KCND2: variants seen among roughly 807,000 people sequenced by gnomAD.
KCND2 encodes potassium voltage-gated channel subfamily D member 2, also known as A-type voltage-gated potassium channel KCND2.
Under a neutral mutation model 54.4 loss-of-function variants are expected in KCND2, and 16 were observed. The observed-to-expected ratio is 0.29, with a 90% confidence interval of 0.20 to 0.45. The LOEUF is 0.45. Ranked by LOEUF, KCND2 falls within the 20% of genes least tolerant of loss-of-function variation. The probability of loss-of-function intolerance (pLI) is 1.00; values close to 1 mark genes in which losing one functional copy is unlikely to be tolerated. For missense variants in KCND2, 486 were observed against 824.2 expected (o/e 0.59, Z 5.02); for synonymous variants, 317 against 310.7 (o/e 1.02, Z -0.21).
chr7:120,664,237 T>A (rs1358737326), intron 1 of KCND2, among the ~76,000 whole-genome samples: 2 of 152,122 alleles, frequency 1.3e-5, no homozygotes, highest in African/African-American at 4.8e-5. Flanking sequence ...AAACAACTGC[T>A]TTTGCTTATT....
At chr7:120,402,712 T>A (rs550671384) in intron 1 of KCND2, among the ~76,000 whole-genome samples, 17 of 152,302 alleles carry the variant, frequency 1.1e-4, no homozygotes, top group South Asian at 6.2e-4. Context: ...CTTTTAAAAA[T>A]GTTCCCAGGG....
intron 1 of KCND2, among the ~76,000 whole-genome samples, chr7:120,563,651 T>A (rs1792263040): frequency 6.6e-6 from 1 of 152,164 alleles, no homozygotes; most frequent in Non-Finnish European, 1.5e-5. Flanking sequence ...GACTCATGTT[T>A]TCTTCCATCT....
At chr7:120,714,730 T>G (rs576813586) in intron 1 of KCND2, among the ~76,000 whole-genome samples, 3 of 152,176 alleles carry the variant, frequency 2.0e-5, no homozygotes, top group East Asian at 3.9e-4. Context: ...TGTTTTCATT[T>G]TATAACATGC....
At chr7:120,488,800 AGTAATATACAT>A (rs1742539618) in intron 1 of KCND2, among the ~76,000 whole-genome samples, 1 of 152,184 alleles carries the variant, frequency 6.6e-6, no homozygotes, top group Admixed American at 6.5e-5. Context: ...TTTAAATGAA[AGTAATATACAT>A]GGAAAAACCG....
intron 1 of KCND2, among the ~76,000 whole-genome samples, chr7:120,280,590 T>A (rs1293335121): frequency 1.3e-5 from 2 of 152,054 alleles, no homozygotes; most frequent in African/African-American, 4.8e-5. Flanking sequence ...ATACTCATCT[T>A]TGAAAATGAG....
intron 1 of KCND2, among the ~76,000 whole-genome samples, chr7:120,669,767 C>T (rs1028725035): frequency 6.6e-6 from 1 of 152,016 alleles, no homozygotes. Flanking sequence ...GATCTTAACC[C>T]GTGCTAAACT....
intron 1 of KCND2, among the ~76,000 whole-genome samples, chr7:120,688,763 A>G (rs1234668896): frequency 6.6e-6 from 1 of 152,202 alleles, no homozygotes; most frequent in African/African-American, 2.4e-5. Flanking sequence ...AAATGTTAAA[A>G]GAACAAGACT....
Position 120,275,416 on chromosome 7 carries a change from A to G in KCND2, c.784A>G (p.Met262Val). 6.2e-7 allele frequency: 1 copy of G among 1,613,752 alleles called. No individual in the cohort carries two copies. The highest frequency in any genetic ancestry group is 8.5e-7 in the Non-Finnish European group (1 of 1,179,986). ...TCGTTACCGTTTTGTGCGTAGTGTC[A>G]TGAGTATCATCGACGTGGTGGCCAT... Reference protein sequence around the residue: ...PSRYRFVRSVMSIIDVVAILP... With the variant: ...PSRYRFVRSVVSIIDVVAILP... The change falls in exon 1 of 6, where the codon ATG becomes GTG. Residue 262 changes from methionine to valine, a missense_variant. This residue lies in a region of KCND2 where 231 missense variants were observed against 386.0 expected (regional missense o/e 0.60). Coordinates refer to ENST00000331113, the MANE Select transcript of KCND2 (RefSeq NM_012281.3).
At chr7:120,469,878 C>G (rs1802429121) in intron 1 of KCND2, among the ~76,000 whole-genome samples, 1 of 152,104 alleles carries the variant, frequency 6.6e-6, no homozygotes, top group Non-Finnish European at 1.5e-5. Context: ...TCTTCTGGTT[C>G]ATAAAGAACA....
intron 1 of KCND2, among the ~76,000 whole-genome samples, chr7:120,448,965 A>G (rs1451835150): frequency 6.6e-6 from 1 of 152,204 alleles, no homozygotes; most frequent in Non-Finnish European, 1.5e-5. Flanking sequence ...AACTTGTATT[A>G]ATCAGTATCT....
At chr7:120,524,879 C>T (rs941320121) in intron 1 of KCND2, among the ~76,000 whole-genome samples, 1 of 152,116 alleles carries the variant, frequency 6.6e-6, no homozygotes, top group African/African-American at 2.4e-5. Flanking sequence ...ATGTGTTCAA[C>T]GTCGGGATAG....
At chr7:120,744,890 T>A (rs1437805623) in intron 4 of KCND2, among the ~76,000 whole-genome samples, 1 of 152,190 alleles carries the variant, frequency 6.6e-6, no homozygotes, top group Non-Finnish European at 1.5e-5. Context: ...TGTTTTCCTT[T>A]ATATTTCTGA....
intron 1 of KCND2, among the ~76,000 whole-genome samples, chr7:120,308,859 T>A (rs1362876833): frequency 6.6e-6 from 1 of 152,202 alleles, no homozygotes; most frequent in African/African-American, 2.4e-5. Context: ...TTTAACAAAT[T>A]AACTTGAACA....
intron 1 of KCND2, among the ~76,000 whole-genome samples, chr7:120,606,973 A>T (rs1792889759): frequency 6.6e-6 from 1 of 152,114 alleles, no homozygotes; most frequent in African/African-American, 2.4e-5. Context: ...GATTGCATTG[A>T]ATCTGTAGAT....
chr7:120,364,029 TG>T (rs1303845942), intron 1 of KCND2, among the ~76,000 whole-genome samples: 1 of 152,110 alleles, frequency 6.6e-6, no homozygotes, highest in East Asian at 1.9e-4. Context: ...CCTCCACCTT[TG>T]TCTGTTTTGT....
At chr7:120,615,575 T>A (rs904929306) in intron 1 of KCND2, among the ~76,000 whole-genome samples, 2 of 152,222 alleles carry the variant, frequency 1.3e-5, no homozygotes, top group African/African-American at 4.8e-5. Context: ...GGGTGCATCC[T>A]TATTTGATAA....
intron 1 of KCND2, among the ~76,000 whole-genome samples, chr7:120,678,341 ATT>A (rs1158570597): frequency 1.1e-4 from 9 of 85,122 alleles, no homozygotes; most frequent in African/African-American, 2.6e-4. Context: ...AGGTATGATT[ATT>A]TATATATATA....
At chr7:120,741,511 G>A in intron 2 of KCND2, 23 bp from the exon 3 acceptor site, 6 of 1,487,662 alleles carry the variant, frequency 4.0e-6, no homozygotes, top group Non-Finnish European at 5.6e-6. Flanking sequence ...ATGTTAATGG[G>A]ATGTTTATTT....
intron 1 of KCND2, among the ~76,000 whole-genome samples, chr7:120,449,698 A>T (rs189336265): frequency 1.3e-5 from 2 of 152,328 alleles, no homozygotes; most frequent in East Asian, 1.9e-4. Flanking sequence ...CTTCCAGAGA[A>T]TTTCAGTTGA....
Sources: gnomAD v4.1 joint callset for allele counts (sites outside exome capture counted in the v4.1 genomes callset) on GRCh38, gnomAD v4.1.1 for gene constraint, gnomAD v4.1.1 regional missense constraint, MANE v1.5 for transcripts, NCBI Gene and HGNC (gene_info 2026-07-23, HGNC 2026-07-21) for gene names.